The following PLXNC1 variants were observed in gnomAD, a reference collection of about 807,000 sequenced individuals.
PLXNC1 encodes plexin C1, also known as plexin-C1.
Under a neutral mutation model 178.2 loss-of-function variants are expected in PLXNC1, and 75 were observed. The observed-to-expected ratio is 0.42, with a 90% CI of 0.35 to 0.51. PLXNC1 has a LOEUF of 0.51. PLXNC1 is among the 20% of genes least tolerant of loss of function. PLXNC1 has a pLI of 0.02. For missense variants in PLXNC1, 1,503 were observed against 1,984.4 expected (o/e 0.76, Z 4.61); for synonymous variants, 790 against 779.9 (o/e 1.01, Z -0.22).
intron 21 of PLXNC1, among the ~76,000 whole-genome samples, chr12:94,278,790 C>G (rs1339736996): frequency 6.6e-6 from 1 of 152,032 alleles, no homozygotes; most frequent in African/African-American, 2.4e-5. Flanking sequence ...AAGGTCAGGA[C>G]TTTGAGACCA....
intron 5 of PLXNC1, among the ~76,000 whole-genome samples, chr12:94,216,735 A>C (rs570321228): frequency 6.6e-6 from 1 of 152,366 alleles, no homozygotes; most frequent in African/African-American, 2.4e-5. Flanking sequence ...ACTGTTTAGC[A>C]ATAACGAATG....
At chr12:94,172,010 C>T (rs1961863891) in intron 2 of PLXNC1, among the ~76,000 whole-genome samples, 1 of 152,156 alleles carries the variant, frequency 6.6e-6, no homozygotes, top group African/African-American at 2.4e-5. Context: ...TCCTGAAGAC[C>T]CAGGATCGTG....
chr12:94,191,529 A>C (rs1237558951), intron 4 of PLXNC1, among the ~76,000 whole-genome samples: 1 of 152,218 alleles, frequency 6.6e-6, no homozygotes, highest in Non-Finnish European at 1.5e-5. Context: ...CACGCCTGTA[A>C]TCCCAGCACT....
At chr12:94,207,017 T>C (rs1963320741) in intron 4 of PLXNC1, among the ~76,000 whole-genome samples, 1 of 152,244 alleles carries the variant, frequency 6.6e-6, no homozygotes, top group Non-Finnish European at 1.5e-5. Flanking sequence ...ATATGGGAGC[T>C]ATAAGATCTG....
In PLXNC1 at chr12:94,148,793, G is replaced by A. The variant is rs887288276; in HGVS notation, c.-179G>A. 1.3e-5 allele frequency: 2 copies of A among 151,660 alleles called. No individual in the cohort carries two copies. The highest frequency in any genetic ancestry group is 6.6e-5 in the Admixed American group (1 of 15,236). 9.4% of individuals were successfully genotyped at this position (151,660 alleles called of 1,614,324 possible). A position where few individuals can be genotyped will look rare whatever the true frequency, so the allele number is the denominator to read the frequency against. ...CCGCCGCTGCACAGGCTGCCGGAGC[G>A]AGCCTGCCGCGCGCCGCCCTCCCCG... On this transcript the variant is annotated 5_prime_UTR_variant, in exon 1 of 31. Coordinates refer to ENST00000258526, the MANE Select transcript of PLXNC1 (RefSeq NM_005761.3). The surrounding 1 kb of genome is among the most constrained non-coding windows in gnomAD (Gnocchi z 4.8).
chr12:94,278,143 A>C, intron 21 of PLXNC1: 1 of 343,092 alleles, frequency 2.9e-6, no homozygotes, highest in Non-Finnish European at 5.6e-6. Context: ...CGCTCCTTAA[A>C]ACCAAAAAAA....
At position 94,212,930 on chromosome 12, in the gene PLXNC1, A is replaced by G. The variant is rs554599097; in HGVS notation, c.1554+3226A>G. On this transcript the variant is annotated intron_variant, in intron 5 of 30. Transcript: ENST00000258526. ...GAGATGGGGTTTCACCGTGTTGGCC[A>G]AGATGGTCTCAATCTCCTGACCTCG... Among the ~76,000 whole-genome samples the G allele has an allele frequency of 1.2e-4, 19 of 152,212 alleles. No homozygotes were observed. In the South Asian group the frequency reaches 3.1e-3, roughly 25 times the overall value.
chr12:94,181,570 C>G lies in PLXNC1; in HGVS notation c.1328C>G (p.Ala443Gly), dbSNP rs1479006945. The G allele has an allele frequency of 5.0e-6, 8 of 1,605,900 alleles. No homozygotes were observed. The Admixed American group carries it at 1.4e-4, about 27-fold the overall frequency. ...AAGAATATCTACATTTATCTAACAG[C>G]TGGGAAAGAGGTAGGTAGAAATACT... Reference protein sequence around the residue: ...PVKNIYIYLTAGKEVRRIRVA... With the variant: ...PVKNIYIYLTGGKEVRRIRVA... The change falls in exon 3 of 31, where the codon GCT becomes GGT. Residue 443 changes from alanine (A) to glycine (G), a missense_variant. Physicochemically the swap from Ala to Gly is moderately conservative, Grantham distance 60. Transcript: ENST00000258526.
At chr12:94,151,859 C>A (rs1016058157) in intron 1 of PLXNC1, among the ~76,000 whole-genome samples, 1 of 152,206 alleles carries the variant, frequency 6.6e-6, no homozygotes, top group Non-Finnish European at 1.5e-5. Context: ...CACGTTTTGG[C>A]TCAATCAGGT....
At chr12:94,221,964 A>G (rs1963808843) in intron 6 of PLXNC1, among the ~76,000 whole-genome samples, 1 of 152,118 alleles carries the variant, frequency 6.6e-6, no homozygotes, top group Non-Finnish European at 1.5e-5. Context: ...TGACCATAGC[A>G]CCCAATTGAT....
chr12:94,245,076 C>T (rs1463161907), intron 12 of PLXNC1, among the ~76,000 whole-genome samples: 1 of 152,192 alleles, frequency 6.6e-6, no homozygotes, highest in Non-Finnish European at 1.5e-5. Flanking sequence ...TCCTTACAGC[C>T]TTGTGGTGCA....
At position 94,260,783 on chromosome 12, in the gene PLXNC1, C is replaced by A; in HGVS notation, c.3393C>A (p.Ser1131=). 6.2e-7 allele frequency: 1 copy of A among 1,614,192 alleles called. No homozygotes were observed. Among genetic ancestry groups the A allele is most frequent in the East Asian group, 2.2e-5 (1 of 44,890 alleles). Residue 1131 remains serine (S), a synonymous_variant, in exon 20 of 31, where the codon TCC becomes TCA. Transcript: ENST00000258526. This position sits in a 1 kb window ranked among gnomAD's most constrained non-coding sequence, Gnocchi z 4.4. ...QPKLMLRRTE[S]VVEKLLTNWM... The stretch of plus-strand genomic sequence containing the variant: ...AACTCATGCTGAGACGCACGGAGTC[C>A]GTCGTCGAAAAACTCCTCACAAACT...
chr12:94,284,082 CA>C (rs1457966070), intron 23 of PLXNC1, among the ~76,000 whole-genome samples: 2 of 109,970 alleles, frequency 1.8e-5, no homozygotes, highest in African/African-American at 7.3e-5. Flanking sequence ...GACTCCATGT[CA>C]GGGGAAAAAA....
intron 12 of PLXNC1, 50 bp downstream of exon 12, chr12:94,244,075 A>G (rs781431416): frequency 1.3e-5 from 14 of 1,113,866 alleles, no homozygotes; most frequent in South Asian, 2.6e-5. Context: ...GGATGGTTCT[A>G]TTTTCATCAC....
chr12:94,175,280 C>T (rs565475016), intron 2 of PLXNC1, among the ~76,000 whole-genome samples: 2 of 152,278 alleles, frequency 1.3e-5, no homozygotes, highest in East Asian at 1.9e-4. Flanking sequence ...GCTTGTTTGC[C>T]CTTCAACTGG....
intron 1 of PLXNC1, among the ~76,000 whole-genome samples, chr12:94,164,874 G>A (rs1178771383): frequency 6.6e-6 from 1 of 152,178 alleles, no homozygotes; most frequent in Non-Finnish European, 1.5e-5. Context: ...TAGGCGTGAC[G>A]TTATGCTTAG....
intron 2 of PLXNC1, among the ~76,000 whole-genome samples, chr12:94,174,272 T>A (rs917933666): frequency 6.6e-6 from 1 of 151,968 alleles, no homozygotes; most frequent in East Asian, 1.9e-4. Context: ...ACAACCTCTG[T>A]CTCCCAGGCT....
At chr12:94,234,673 G>A (rs1385517389) in intron 9 of PLXNC1, among the ~76,000 whole-genome samples, 3 of 152,160 alleles carry the variant, frequency 2.0e-5, no homozygotes, top group African/African-American at 4.8e-5. Flanking sequence ...ATAGAGTGAG[G>A]GAGGAATCCC....
chr12:94,304,092 G>A (rs1187065868), intron 30 of PLXNC1, 41 bp downstream of exon 30: 3 of 1,209,216 alleles, frequency 2.5e-6, no homozygotes, highest in South Asian at 2.6e-5. Flanking sequence ...TTTGAATCAG[G>A]CACAAGGATG....
Sources: allele counts gnomAD v4.1 joint callset (sites outside exome capture counted in the v4.1 genomes callset), GRCh38; gene constraint gnomAD v4.1.1; non-coding constraint Gnocchi (gnomAD v3.1); transcripts MANE v1.5; gene names NCBI Gene and HGNC (gene_info 2026-07-23, HGNC 2026-07-21).